Variants in ZNF717 observed in about 807,000 individuals in gnomAD.
The protein encoded by ZNF717 is zinc finger protein 717, also known as krueppel-like factor X17.
In ZNF717, 9 loss-of-function variants were observed where a neutral mutation model predicts 13.8. The ratio of observed to expected loss-of-function variants is 0.65; its 90% CI spans 0.39 to 1.14. The LOEUF (loss-of-function observed/expected upper bound fraction) is 1.14, where lower values mean the gene tolerates loss of function less well. ZNF717 is among the 50% of genes most tolerant of loss of function. The pLI is 0.01. For synonymous variants in ZNF717, 327 were observed against 364.1 expected (o/e 0.90, Z 1.16); for missense variants, 1,040 against 1,080.7 (o/e 0.96, Z 0.53).
At chr3:75,709,164 A>C (rs112331609), downstream of ZNF717, among the ~76,000 whole-genome samples, 1 of 150,712 alleles carries the variant, frequency 6.6e-6, no homozygotes, top group African/African-American at 2.4e-5. Flanking sequence ...AAACCCAGCT[A>C]TTTTTTTGTA....
chr3:75,766,786 T>C (rs1030864824), intron 2 of ZNF717, among the ~76,000 whole-genome samples: 4 of 152,262 alleles, frequency 2.6e-5, no homozygotes, highest in African/African-American at 4.8e-5. Context: ...GCAAAGTATG[T>C]TGTCTCAACA....
chr3:75,783,862 A>T (rs1944985893), intron 1 of ZNF717, among the ~76,000 whole-genome samples: 1 of 152,194 alleles, frequency 6.6e-6, no homozygotes, highest in Non-Finnish European at 1.5e-5. Context: ...GCCTACAATT[A>T]CTTTTTTTTA....
intron 2 of ZNF717, among the ~76,000 whole-genome samples, chr3:75,760,058 TC>T (rs1443567725): frequency 1.3e-5 from 2 of 152,204 alleles, no homozygotes; most frequent in East Asian, 3.9e-4. Context: ...AGACGGAGTC[TC>T]ACTCTGTCAC....
rs1325961642 is a variant in ZNF717 at position 75,704,541 on chromosome 3, T to A, written n.1085+6646A>T. Among the ~76,000 whole-genome samples, 201 of 152,046 alleles carry A rather than the reference T, an allele frequency of 1.3e-3. No homozygotes were observed. In the Middle Eastern group the frequency reaches 0.024, roughly 18 times the overall value. On this transcript the variant is annotated intron_variant and non_coding_transcript_variant, in intron 6 of 6. Coordinates refer to the ZNF717 transcript ENST00000648506. ...GGGTGAGAGACTCAGCCCCAAAAGT[T>A]AGAGGCCCAGGGGCATCATATTCAG...
chr3:75,758,112 C>CA (rs111361124), intron 2 of ZNF717, among the ~76,000 whole-genome samples: 10,880 of 62,840 alleles, frequency 0.17, 1,188 homozygotes, highest in Non-Finnish European at 0.23. Flanking sequence ...GACTCCATCT[C>CA]AAAAAAAAAA....
intron 2 of ZNF717, among the ~76,000 whole-genome samples, chr3:75,747,203 T>C (rs1941262466): frequency 6.6e-6 from 1 of 152,162 alleles, no homozygotes; most frequent in African/African-American, 2.4e-5. Context: ...GGCTCTGTTC[T>C]GTTCCATTGG....
intron 2 of ZNF717, among the ~76,000 whole-genome samples, chr3:75,771,048 G>T (rs1250131215): frequency 6.6e-6 from 1 of 152,194 alleles, no homozygotes; most frequent in Non-Finnish European, 1.5e-5. Flanking sequence ...AGTCCCTGTG[G>T]ACAAACTGCA....
rs1939761589 is a variant in ZNF717 at position 75,738,269 on chromosome 3, C to G, written c.1354G>C (p.Glu452Gln). 1.7e-5 allele frequency: 26 copies of G among 1,552,698 alleles called. No homozygotes were observed. The highest frequency in any genetic ancestry group is 3.4e-4 in the Middle Eastern group (2 of 5,950). The change falls in exon 5 of 5, where the codon GAA becomes CAA. Residue 452 changes from glutamate to glutamine, a missense_variant. Physicochemically the swap from Glu to Gln is conservative, Grantham distance 29. Transcript: ENST00000652011. The part of the protein sequence containing the change: ...QRTHTGEKPY[E>Q]CNECGKPFIN... Reference sequence around the variant, plus strand: ...AAGGGTTTTCCACACTCATTACATTCATACGGTTTTTCCCCTGTGTGTGTT... The same window carrying G: ...AAGGGTTTTCCACACTCATTACATTGATACGGTTTTTCCCCTGTGTGTGTT...
chr3:75,729,955 T>C (rs1349987471), downstream of ZNF717: 2 of 152,256 alleles, frequency 1.3e-5, no homozygotes, highest in Non-Finnish European at 1.5e-5. Context: ...CAAGAAAAAG[T>C]CTGAATATGT....
At chr3:75,735,488 G>GCATACTTGTAGTCCTAGCTAAT (rs1939050296), downstream of ZNF717, among the ~76,000 whole-genome samples, 4 of 48,244 alleles carry the variant, frequency 8.3e-5, no homozygotes, top group Non-Finnish European at 1.2e-4. Context: ...AGGTATTGTG[G>GCATACTTGTAGTCCTAGCTAAT]TGCATACTTG....
chr3:75,724,389 C>G (rs1341217828), intron 4 of ZNF717, among the ~76,000 whole-genome samples: 1 of 152,052 alleles, frequency 6.6e-6, no homozygotes, highest in Non-Finnish European at 1.5e-5. Flanking sequence ...CAGTAGACTA[C>G]AGGCTTACAT....
At chr3:75,733,467 A>G (rs2106934460), downstream of ZNF717, among the ~76,000 whole-genome samples, 1 of 152,290 alleles carries the variant, frequency 6.6e-6, no homozygotes, top group African/African-American at 2.4e-5. Flanking sequence ...CATCTTACCT[A>G]TAGAGAAACA....
intron 6 of ZNF717, among the ~76,000 whole-genome samples, chr3:75,697,290 T>G (rs1190990112): frequency 1.3e-5 from 2 of 152,292 alleles, no homozygotes; most frequent in African/African-American, 2.4e-5. Flanking sequence ...ACATAAAGAC[T>G]CCTCTGATAA....
At chr3:75,706,596 T>C (rs1937807437), downstream of ZNF717, among the ~76,000 whole-genome samples, 1 of 152,308 alleles carries the variant, frequency 6.6e-6, no homozygotes, top group Non-Finnish European at 1.5e-5. Flanking sequence ...TACAAATCAA[T>C]GTGCCTTCTG....
chr3:75,774,615 T>A (rs796134809), intron 2 of ZNF717, among the ~76,000 whole-genome samples: 1 of 136,202 alleles, frequency 7.3e-6, no homozygotes, highest in Admixed American at 7.4e-5. Flanking sequence ...TTGTGGTTTT[T>A]TTTTTTTTTT....
At chr3:75,746,502 T>C (rs62246599) in intron 2 of ZNF717, among the ~76,000 whole-genome samples, 12,217 of 152,224 alleles carry the variant, frequency 0.08, 819 homozygotes, top group African/African-American at 0.17. Flanking sequence ...CCACTAACAG[T>C]GTAAAAGTGT....
chr3:75,729,413 C>T (rs111992385), downstream of ZNF717, among the ~76,000 whole-genome samples: 274 of 152,258 alleles, frequency 1.8e-3, no homozygotes, highest in African/African-American at 6.0e-3. Flanking sequence ...GTCAGGAGTT[C>T]GAGACCAGCC....
chr3:75,781,318 C>G (rs1944802920), intron 2 of ZNF717, among the ~76,000 whole-genome samples: 1 of 152,252 alleles, frequency 6.6e-6, no homozygotes, highest in Non-Finnish European at 1.5e-5. Flanking sequence ...TACCTCACTT[C>G]TGATTTCGGT....
At chr3:75,712,141 C>T (rs9833217) in intron 5 of ZNF717, among the ~76,000 whole-genome samples, 53,256 of 150,972 alleles carry the variant, frequency 0.35, 4,280 homozygotes, top group South Asian at 0.49. Context: ...AAGTTATCAC[C>T]TCAGCCAAGC....
Sources: allele counts gnomAD v4.1 joint callset (sites outside exome capture counted in the v4.1 genomes callset), GRCh38; gene constraint gnomAD v4.1.1; transcripts MANE v1.5; gene names NCBI Gene and HGNC (gene_info 2026-07-23, HGNC 2026-07-21).